The following LINGO2 variants were observed in gnomAD, a reference collection of about 807,000 sequenced individuals.
The protein encoded by LINGO2 is leucine rich repeat and Ig domain containing 2.
Under a neutral mutation model 30.6 loss-of-function variants are expected in LINGO2, and 14 were observed. That is an observed-to-expected ratio of 0.46 (90% CI 0.30 to 0.72). LINGO2 has a LOEUF of 0.72. LINGO2 is among the 30% of genes least tolerant of loss of function. LINGO2 has a pLI of 0.07. For synonymous variants in LINGO2, 317 were observed against 288.5 expected, an observed-to-expected ratio of 1.10 and a Z score of -1.00; for missense variants, 729 against 751.7, an observed-to-expected ratio of 0.97 and a Z score of 0.35.
intron 5 of LINGO2, among the ~76,000 whole-genome samples, chr9:28,003,253 A>T (rs905821174): frequency 2.0e-5 from 3 of 152,062 alleles, no homozygotes; most frequent in African/African-American, 7.2e-5. Flanking sequence ...TCACTACAAC[A>T]ACTGCTGTCA....
intron 3 of LINGO2, among the ~76,000 whole-genome samples, chr9:28,295,790 C>A (rs576843450): frequency 6.6e-6 from 1 of 152,216 alleles, no homozygotes; most frequent in African/African-American, 2.4e-5. Flanking sequence ...GAGCGAAATC[C>A]ACAAGATTGT....
chr9:28,609,782 T>C (rs924747108), intron 1 of LINGO2, among the ~76,000 whole-genome samples: 1 of 151,730 alleles, frequency 6.6e-6, no homozygotes, highest in Non-Finnish European at 1.5e-5. Context: ...TTTTTGCACA[T>C]ATGAGTGTTT....
chr9:28,371,677 T>G lies in LINGO2; in HGVS notation c.-246+1159A>C, dbSNP rs539499176. 3.3e-5 allele frequency among the ~76,000 whole-genome samples: 5 copies of G among 152,276 alleles called. No homozygotes were observed. The South Asian group carries it at 1.0e-3, about 32-fold the overall frequency. On this transcript the variant is annotated intron_variant, in intron 3 of 5. Coordinates refer to ENST00000379992, the Ensembl canonical transcript of LINGO2. ...ACCTTTATCCAAGGGTGCTCATATA[T>G]AAATTCAGTTCTGAGTGTTCTATCT...
intron 1 of LINGO2, among the ~76,000 whole-genome samples, chr9:28,602,255 G>A (rs936045991): frequency 6.6e-6 from 1 of 152,034 alleles, no homozygotes; most frequent in African/African-American, 2.4e-5. Flanking sequence ...GGGGCCATGG[G>A]GAGGTTGGTG....
the LINGO2 span, among the ~76,000 whole-genome samples, chr9:28,792,820 T>C: frequency 6.6e-6 from 1 of 152,148 alleles, no homozygotes; most frequent in Admixed American, 6.6e-5. Context: ...CCAATTATTG[T>C]CCTCATGCTA....
the LINGO2 span, among the ~76,000 whole-genome samples, chr9:29,003,631 T>G: frequency 3.1e-4 from 47 of 152,048 alleles, 1 homozygote; most frequent in East Asian, 9.1e-3. Flanking sequence ...CTTAGAAGCT[T>G]AAGAAATATA....
intron 1 of LINGO2, among the ~76,000 whole-genome samples, chr9:28,608,967 A>T (rs1406353136): frequency 6.6e-6 from 1 of 151,960 alleles, no homozygotes; most frequent in Non-Finnish European, 1.5e-5. Context: ...GTGGATTTTG[A>T]TAAAACATTT....
chr9:28,475,830 C>T (rs117850194), intron 2 of LINGO2, 110 bp downstream of exon 4: 3,387 of 152,672 alleles, frequency 0.022, 66 homozygotes, highest in Non-Finnish European at 0.035. Context: ...ATACATTTCA[C>T]AGGGTACATT....
At chr9:28,236,300 C>T (rs180696825) in intron 4 of LINGO2, among the ~76,000 whole-genome samples, 2 of 152,238 alleles carry the variant, frequency 1.3e-5, no homozygotes, top group East Asian at 1.9e-4. Context: ...TTCATCAACA[C>T]CAGACCTGTC....
chr9:28,845,221 T>C, the LINGO2 span, among the ~76,000 whole-genome samples: 100 of 152,038 alleles, frequency 6.6e-4, 4 homozygotes, highest in African/African-American at 2.4e-3. Flanking sequence ...TGTGTCCAGA[T>C]GCTCTTGAAT....
chr9:28,438,873 T>C (rs1314255258), intron 2 of LINGO2, among the ~76,000 whole-genome samples: 2 of 144,052 alleles, frequency 1.4e-5, no homozygotes, highest in African/African-American at 2.5e-5. Context: ...TATTTATACA[T>C]TATATATAGT....
At chr9:28,723,260 G>C in the LINGO2 span, among the ~76,000 whole-genome samples, 1 of 152,066 alleles carries the variant, frequency 6.6e-6, no homozygotes, top group African/African-American at 2.4e-5. Context: ...GCTGGTATAA[G>C]TGCTGCATAC....
At chr9:28,053,253 G>C (rs2133073394) in intron 4 of LINGO2, among the ~76,000 whole-genome samples, 1 of 152,150 alleles carries the variant, frequency 6.6e-6, no homozygotes, top group East Asian at 1.9e-4. Flanking sequence ...ATGACAAGGA[G>C]AGAGAGGGGC....
chr9:28,890,455 G>A, the LINGO2 span, among the ~76,000 whole-genome samples: 2 of 152,020 alleles, frequency 1.3e-5, no homozygotes, highest in Non-Finnish European at 2.9e-5. Flanking sequence ...TTAATGAGGT[G>A]GAAGAAGAAT....
chr9:28,159,564 T>A (rs1466092870), intron 4 of LINGO2, among the ~76,000 whole-genome samples: 1 of 152,160 alleles, frequency 6.6e-6, no homozygotes, highest in Non-Finnish European at 1.5e-5. Context: ...AAGTCCATTT[T>A]TATCTTAGAT....
chr9:28,278,871 T>C (rs1032862426), intron 4 of LINGO2, among the ~76,000 whole-genome samples: 1 of 152,084 alleles, frequency 6.6e-6, no homozygotes, highest in Non-Finnish European at 1.5e-5. Context: ...CTCTGATGGT[T>C]ATGAACAAGG....
intron 1 of LINGO2, among the ~76,000 whole-genome samples, chr9:28,601,725 T>C (rs929469984): frequency 1.3e-5 from 2 of 152,128 alleles, no homozygotes; most frequent in African/African-American, 2.4e-5. Flanking sequence ...AAACTCCTGC[T>C]GAGAAAGAAG....
chr9:28,185,230 T>C (rs1289717907), intron 4 of LINGO2, among the ~76,000 whole-genome samples: 1 of 152,190 alleles, frequency 6.6e-6, no homozygotes, highest in African/African-American at 2.4e-5. Flanking sequence ...TGTGCAGACA[T>C]TAAAGAGTAA....
chr9:28,348,565 C>T (rs1205786952), intron 3 of LINGO2, among the ~76,000 whole-genome samples: 3 of 152,144 alleles, frequency 2.0e-5, no homozygotes, highest in Non-Finnish European at 4.4e-5. Flanking sequence ...GGCAGCGAGG[C>T]TGGGGGAGGG....
Sources: allele counts gnomAD v4.1 joint callset (sites outside exome capture counted in the v4.1 genomes callset), GRCh38; gene constraint gnomAD v4.1.1; transcripts MANE v1.5; gene names NCBI Gene and HGNC (gene_info 2026-07-23, HGNC 2026-07-21).